SGCD: variants seen among roughly 807,000 people sequenced by gnomAD.
SGCD encodes the protein delta-sarcoglycan.
A neutral mutation model predicts 36.6 loss-of-function variants in SGCD; 18 were observed. That is an observed-to-expected ratio of 0.49 (90% CI 0.34 to 0.73). The LOEUF (loss-of-function observed/expected upper bound fraction) is 0.73. Among genes scored for constraint, SGCD ranks in the 30% least tolerant of loss-of-function variants. The pLI is 0.01. For synonymous variants in SGCD, 133 were observed against 130.6 expected (o/e 1.02, Z -0.12); for missense variants, 387 against 346.7 (o/e 1.12, Z -0.92).
chr5:156,353,403 C>T (rs867489624), intron 3 of SGCD, among the ~76,000 whole-genome samples: 1 of 152,152 alleles, frequency 6.6e-6, no homozygotes, highest in South Asian at 2.1e-4. Flanking sequence ...TTAATACAGA[C>T]ACTCGCTCTG....
At position 156,147,496 on chromosome 5, in the gene SGCD, T is replaced by A. The variant is rs147651486; in HGVS notation, c.-44+23477T>A. ...ACATCTATTACAGCAATAACCACAT[T>A]TTTAAATTTTTTTCTTGTTTCTTGC... On this transcript the variant is annotated intron_variant, in intron 3 of 9. Transcript: ENST00000517913. 2.5e-3 allele frequency among the ~76,000 whole-genome samples: 382 copies of A among 152,334 alleles called. 3 individuals are homozygous for A. The highest frequency in any genetic ancestry group is 8.6e-3 in the African/African-American group (358 of 41,584).
rs184609506 is a variant in SGCD, at chr5:156,138,027, A to G, written c.-44+14008A>G. Among the ~76,000 whole-genome samples the G allele has an allele frequency of 1.6e-4, 25 of 152,240 alleles. No homozygotes were observed. The East Asian group carries it at 4.1e-3, about 25-fold the overall frequency. The stretch of plus-strand genomic sequence containing the variant: ...CCCTGCCCCAATCAAGGTACAGCAT[A>G]TTTCTCTCACCATGAAGTTCATTCA... On this transcript the variant is annotated intron_variant, in intron 3 of 9. Transcript: ENST00000517913.
intron 3 of SGCD, among the ~76,000 whole-genome samples, chr5:156,157,250 T>C (rs1762984110): frequency 6.6e-6 from 1 of 151,796 alleles, no homozygotes. Context: ...CTGGACTCAG[T>C]GCTTTCTTAT....
At chr5:156,595,494 T>A (rs1178928463) in intron 6 of SGCD, among the ~76,000 whole-genome samples, 1 of 152,146 alleles carries the variant, frequency 6.6e-6, no homozygotes, top group Non-Finnish European at 1.5e-5. Flanking sequence ...GAAGAGTGAT[T>A]TAGGCCAGTT....
At chr5:155,791,235 C>T in the SGCD span, among the ~76,000 whole-genome samples, 1 of 151,978 alleles carries the variant, frequency 6.6e-6, no homozygotes, top group African/African-American at 2.4e-5. Flanking sequence ...GAAAGAAAAG[C>T]CTGCTGAACT....
chr5:156,542,976 G>A (rs1034486888), intron 4 of SGCD, among the ~76,000 whole-genome samples: 5 of 152,256 alleles, frequency 3.3e-5, no homozygotes. Context: ...ACAGAGGCAG[G>A]CATCTAAGAT....
At chr5:156,251,165 T>G (rs1765566626) in intron 3 of SGCD, among the ~76,000 whole-genome samples, 1 of 152,208 alleles carries the variant, frequency 6.6e-6, no homozygotes, top group African/African-American at 2.4e-5. Flanking sequence ...CCACATTTCT[T>G]TTTTGTGTAC....
chr5:156,007,125 A>G, intron 1 of SGCD, among the ~76,000 whole-genome samples: 1 of 152,198 alleles, frequency 6.6e-6, no homozygotes, highest in South Asian at 2.1e-4. Context: ...AGGATCCTCT[A>G]GACTCACCCC....
At chr5:156,100,387 T>C (rs111715031) in intron 1 of SGCD, among the ~76,000 whole-genome samples, 5 of 152,192 alleles carry the variant, frequency 3.3e-5, no homozygotes, top group Admixed American at 6.5e-5. Flanking sequence ...AAAACTTTAA[T>C]TGGACATGAG....
chr5:156,042,555 G>A (rs1332006386), intron 1 of SGCD, among the ~76,000 whole-genome samples: 1 of 152,124 alleles, frequency 6.6e-6, no homozygotes, highest in African/African-American at 2.4e-5. Context: ...CAGTCTCCTC[G>A]AAAATTCAGA....
At chr5:156,405,400 T>C (rs2127765383) in intron 3 of SGCD, among the ~76,000 whole-genome samples, 1 of 152,362 alleles carries the variant, frequency 6.6e-6, no homozygotes, top group African/African-American at 2.4e-5. Context: ...ATATTCTTGC[T>C]TTTATGAAAT....
intron 7 of SGCD, among the ~76,000 whole-genome samples, chr5:156,671,266 T>A (rs1469876856): frequency 2.7e-4 from 35 of 129,206 alleles, no homozygotes; most frequent in African/African-American, 8.7e-4. Flanking sequence ...TGGATATCTA[T>A]TGATTCTTTT....
intron 7 of SGCD, among the ~76,000 whole-genome samples, chr5:156,742,581 C>T (rs1448188651): frequency 6.6e-6 from 1 of 152,158 alleles, no homozygotes; most frequent in Non-Finnish European, 1.5e-5. Flanking sequence ...ACTTTCCACT[C>T]TGTTAGAGAA....
chr5:156,698,838 A>C (rs1013068385), intron 7 of SGCD, among the ~76,000 whole-genome samples: 4 of 78,022 alleles, frequency 5.1e-5, no homozygotes, highest in African/African-American at 2.4e-4. Context: ...ACTAAATTAA[A>C]ATACACACAC....
chr5:155,836,105 A>G, the SGCD span, among the ~76,000 whole-genome samples: 2 of 152,214 alleles, frequency 1.3e-5, no homozygotes, highest in African/African-American at 4.8e-5. Flanking sequence ...AGTCCTGACT[A>G]CTTCAGTTTC....
chr5:155,732,390 T>A, the SGCD span, among the ~76,000 whole-genome samples: 1 of 152,248 alleles, frequency 6.6e-6, no homozygotes. Flanking sequence ...CCTAATTATG[T>A]ACCGTGGTAG....
At chr5:156,208,366 G>A (rs112940124) in intron 3 of SGCD, among the ~76,000 whole-genome samples, 3 of 152,352 alleles carry the variant, frequency 2.0e-5, no homozygotes, top group African/African-American at 7.2e-5. Context: ...TGTGCTTGAT[G>A]ACTCAGAAGC....
At chr5:156,211,480 C>T (rs1313965530) in intron 3 of SGCD, among the ~76,000 whole-genome samples, 4 of 151,766 alleles carry the variant, frequency 2.6e-5, no homozygotes, top group Non-Finnish European at 5.9e-5. Flanking sequence ...TGGTGGCGGG[C>T]GCCTGTAGTC....
intron 1 of SGCD, among the ~76,000 whole-genome samples, chr5:155,965,411 C>G (rs1294939418): frequency 1.3e-5 from 2 of 152,108 alleles, no homozygotes; most frequent in Non-Finnish European, 2.9e-5. Flanking sequence ...AATCATTGTT[C>G]AGGTCCTGCC....
Sources: gnomAD v4.1 joint callset for allele counts (sites outside exome capture counted in the v4.1 genomes callset) on GRCh38, gnomAD v4.1.1 for gene constraint, MANE v1.5 for transcripts, NCBI Gene and HGNC (gene_info 2026-07-23, HGNC 2026-07-21) for gene names.